Variants in RFX3 observed in about 807,000 individuals in gnomAD.
RFX3 encodes transcription factor RFX3.
RFX3 carries 14 observed loss-of-function variants against 98.6 expected under a neutral mutation model. The ratio of observed to expected loss-of-function variants is 0.14; its 90% CI spans 0.09 to 0.22. RFX3 has a LOEUF of 0.22. RFX3 is among the 10% of genes least tolerant of loss of function. The probability of loss-of-function intolerance (pLI) is 1.00; values close to 1 mark genes in which losing one functional copy is unlikely to be tolerated. For missense variants in RFX3, 639 were observed against 926.9 expected, an observed-to-expected ratio of 0.69 and a Z score of 4.03; for synonymous variants, 383 against 328.4, an observed-to-expected ratio of 1.17 and a Z score of -1.80.
At chr9:3,350,102 G>A (rs1834930970) in intron 2 of RFX3, among the ~76,000 whole-genome samples, 2 of 152,000 alleles carry the variant, frequency 1.3e-5, no homozygotes, top group African/African-American at 4.8e-5. Flanking sequence ...GTAATTCATG[G>A]AACAAATAAT....
At chr9:3,351,507 G>C (rs1835123522) in intron 2 of RFX3, among the ~76,000 whole-genome samples, 1 of 151,692 alleles carries the variant, frequency 6.6e-6, no homozygotes, top group Non-Finnish European at 1.5e-5. Context: ...GACAGTTTAG[G>C]ACAACTAACA....
At chr9:3,268,564 C>T (rs1227509841) in intron 11 of RFX3, among the ~76,000 whole-genome samples, 7 of 151,752 alleles carry the variant, frequency 4.6e-5, no homozygotes, top group Non-Finnish European at 1.0e-4. Context: ...ATTTTCTTGG[C>T]AGGGTGGTAT....
chr9:3,516,797 T>C (rs1818220929), intron 1 of RFX3, among the ~76,000 whole-genome samples: 1 of 152,218 alleles, frequency 6.6e-6, no homozygotes, highest in African/African-American at 2.4e-5. Context: ...GTTTTAAATA[T>C]CTCATTGGTG....
chr9:3,471,602 T>C (rs1467365204), intron 1 of RFX3, among the ~76,000 whole-genome samples: 2 of 152,236 alleles, frequency 1.3e-5, no homozygotes, highest in Admixed American at 6.5e-5. Context: ...ATCACTTATG[T>C]TCCCAATATA....
chr9:3,270,704 C>T (rs1824309983), intron 10 of RFX3, 179 bp from the exon 11 acceptor site: 1 of 678,978 alleles, frequency 1.5e-6, no homozygotes, highest in Non-Finnish European at 2.4e-6. Context: ...ATAAAACACT[C>T]CCCCAGAGCT....
chr9:3,465,540 G>C (rs1447873180), intron 1 of RFX3, among the ~76,000 whole-genome samples: 2 of 150,918 alleles, frequency 1.3e-5, no homozygotes, highest in Non-Finnish European at 2.9e-5. Flanking sequence ...CCGACCTTAG[G>C]TGATCCACCT....
chr9:3,422,325 G>A lies in RFX3; in HGVS notation c.-8-26729C>T, dbSNP rs1403890068. ...ACCCTGAAACAAACTTGGGCTTTGT[G>A]TTGCTGTTGTTGGTAATGGTGGTGG... On this transcript the variant is annotated intron_variant, in intron 1 of 16. Transcript: ENST00000617270. Among the ~76,000 whole-genome samples the A allele has an allele frequency of 2.0e-5, 3 of 152,202 alleles. No individual in the cohort carries two copies. In the East Asian group the frequency reaches 5.8e-4, roughly 29 times the overall value.
chr9:3,363,583 C>A (rs184625810), intron 2 of RFX3, among the ~76,000 whole-genome samples: 1 of 152,162 alleles, frequency 6.6e-6, no homozygotes, highest in African/African-American at 2.4e-5. Context: ...TAAACCAGTG[C>A]TAACACTATT....
chr9:3,415,489 T>A (rs1014663688), intron 1 of RFX3, among the ~76,000 whole-genome samples: 1 of 152,068 alleles, frequency 6.6e-6, no homozygotes, highest in Non-Finnish European at 1.5e-5. Flanking sequence ...ACATCCACTA[T>A]AAATTCAATA....
At chr9:3,501,099 C>G (rs1815951854) in intron 1 of RFX3, among the ~76,000 whole-genome samples, 1 of 152,148 alleles carries the variant, frequency 6.6e-6, no homozygotes, top group Non-Finnish European at 1.5e-5. Flanking sequence ...AAACTATATA[C>G]TATGTAGCTA....
At chr9:3,277,027 A>T (rs1483576118) in intron 8 of RFX3, among the ~76,000 whole-genome samples, 1 of 152,106 alleles carries the variant, frequency 6.6e-6, no homozygotes, top group African/African-American at 2.4e-5. Flanking sequence ...ACTTGAAGTT[A>T]CTACTGAAAG....
rs560727015 is a variant in RFX3 at position 3,488,510 on chromosome 9, G to T, written c.-9+37237C>A. 3.6e-3 allele frequency among the ~76,000 whole-genome samples: 555 copies of T among 152,244 alleles called. 4 individuals carry two copies. Among genetic ancestry groups the T allele is most frequent in the Non-Finnish European group, 5.7e-3 (390 of 67,980 alleles). On this transcript the variant is annotated intron_variant, in intron 1 of 16. Coordinates refer to ENST00000617270, the MANE Select transcript of RFX3 (RefSeq NM_001282116.2). ...TTGTTTGACACAGACAACTCAAATG[G>T]TTTGAGAAATATAATAAAACTGTAA...
intron 4 of RFX3, among the ~76,000 whole-genome samples, chr9:3,326,177 C>G (rs1479306025): frequency 2.0e-5 from 3 of 151,644 alleles, no homozygotes; most frequent in Non-Finnish European, 4.4e-5. Flanking sequence ...TATCTATATA[C>G]ATATATATAA....
chr9:3,338,674 C>G (rs774893596), intron 3 of RFX3, among the ~76,000 whole-genome samples: 8 of 152,172 alleles, frequency 5.3e-5, no homozygotes, highest in African/African-American at 1.9e-4. Context: ...GCATTTCTAA[C>G]AAGTTCTCAG....
chr9:3,317,695 C>A (rs1378369473), intron 4 of RFX3, among the ~76,000 whole-genome samples: 1 of 152,140 alleles, frequency 6.6e-6, no homozygotes, highest in African/African-American at 2.4e-5. Context: ...ACAACCCCAT[C>A]AAAAAGTGGG....
intron 13 of RFX3, among the ~76,000 whole-genome samples, chr9:3,260,043 C>T (rs896226767): frequency 6.6e-6 from 1 of 151,420 alleles, no homozygotes; most frequent in Non-Finnish European, 1.5e-5. Context: ...TCTGGCAAAA[C>T]TAGGAAAAGA....
At chr9:3,502,023 G>A (rs974451480) in intron 1 of RFX3, among the ~76,000 whole-genome samples, 39 of 151,748 alleles carry the variant, frequency 2.6e-4, no homozygotes, top group Admixed American at 2.5e-3. Context: ...AGGCCGAGGC[G>A]GGCGGATCAC....
At chr9:3,418,880 T>G (rs186302875) in intron 1 of RFX3, among the ~76,000 whole-genome samples, 3 of 152,150 alleles carry the variant, frequency 2.0e-5, no homozygotes, top group African/African-American at 7.2e-5. Flanking sequence ...CATGATCCAG[T>G]GGAAACTTAT....
At chr9:3,306,501 T>C (rs983082563) in intron 4 of RFX3, among the ~76,000 whole-genome samples, 2 of 150,336 alleles carry the variant, frequency 1.3e-5, no homozygotes, top group East Asian at 2.0e-4. Context: ...AATTACTTCT[T>C]GCTGTTACAG....
Sources: gnomAD v4.1 joint callset for allele counts (sites outside exome capture counted in the v4.1 genomes callset) on GRCh38, gnomAD v4.1.1 for gene constraint, MANE v1.5 for transcripts, NCBI Gene and HGNC (gene_info 2026-07-23, HGNC 2026-07-21) for gene names.